Variants in GRIK2 observed in about 807,000 individuals in gnomAD.
The protein encoded by GRIK2 is glutamate ionotropic receptor kainate type subunit 2.
A neutral mutation model predicts 100.3 loss-of-function variants in GRIK2; 32 were observed. That is an observed-to-expected ratio of 0.32 (90% CI 0.24 to 0.43). The LOEUF (loss-of-function observed/expected upper bound fraction) is 0.43, where lower values mean the gene tolerates loss of function less well. GRIK2 is among the 20% of genes least tolerant of loss of function. GRIK2 has a pLI of 1.00. For synonymous variants in GRIK2, 417 were observed against 389.4 expected (o/e 1.07, Z -0.83); for missense variants, 843 against 1,114.9 (o/e 0.76, Z 3.47).
At chr6:101,939,473 G>T (rs11760003) in intron 14 of GRIK2, among the ~76,000 whole-genome samples, 11,650 of 151,910 alleles carry the variant, frequency 0.077, 620 homozygotes, top group Middle Eastern at 0.19. Flanking sequence ...GCAAATACAG[G>T]TTACCTATGG....
Position 101,489,372 on chromosome 6 carries a change from T to C in GRIK2, c.115+89980T>C, listed in dbSNP as rs1238060537. Among the ~76,000 whole-genome samples, 3 of 146,160 alleles carry C rather than the reference T, an allele frequency of 2.1e-5. 1 individual carries two copies. The East Asian group carries it at 5.9e-4, about 29-fold the overall frequency. On this transcript the variant is annotated intron_variant, in intron 2 of 16. Coordinates refer to ENST00000369134, the MANE Select transcript of GRIK2 (RefSeq NM_021956.5). ...GAAGTGTCTGTAGATCAGTTAATTA[T>C]TCTATTGTGGAAATCCATTCATTTA...
At chr6:101,496,863 T>A (rs1413411237) in intron 2 of GRIK2, among the ~76,000 whole-genome samples, 6 of 152,212 alleles carry the variant, frequency 3.9e-5, no homozygotes, top group Admixed American at 6.5e-5. Flanking sequence ...GCTGATCAAA[T>A]AAACCTTTGG....
intron 14 of GRIK2, among the ~76,000 whole-genome samples, chr6:102,012,549 AATAGACC>A (rs1263925904): frequency 6.6e-6 from 1 of 152,176 alleles, no homozygotes; most frequent in Non-Finnish European, 1.5e-5. Flanking sequence ...CTTTTTCTCA[AATAGACC>A]TTGTGCATAT....
At chr6:101,441,174 G>C (rs1208820471) in intron 2 of GRIK2, among the ~76,000 whole-genome samples, 1 of 151,860 alleles carries the variant, frequency 6.6e-6, no homozygotes, top group Non-Finnish European at 1.5e-5. Context: ...TTCTCTTCCA[G>C]CTCAGCTCTT....
intron 2 of GRIK2, among the ~76,000 whole-genome samples, chr6:101,438,845 G>T (rs1769885740): frequency 6.6e-6 from 1 of 152,112 alleles, no homozygotes; most frequent in Non-Finnish European, 1.5e-5. Flanking sequence ...GAACAGATTA[G>T]ATTGCCTAGA....
intron 10 of GRIK2, among the ~76,000 whole-genome samples, chr6:101,856,544 A>G (rs1207988345): frequency 6.6e-6 from 1 of 152,180 alleles, no homozygotes; most frequent in Non-Finnish European, 1.5e-5. Context: ...AAATTTAAGA[A>G]AAAAGGTTAG....
rs76300769 is a variant in GRIK2, at chr6:101,775,260, G to A, written c.952-24388G>A. The stretch of plus-strand genomic sequence containing the variant: ...TTAAGCCAGAGAGCACTGGTTTGGA[G>A]AGACATAGACATTTATTCAAATTCA... On this transcript the variant is annotated intron_variant, in intron 7 of 16. Transcript: ENST00000369134. 8.2e-3 allele frequency among the ~76,000 whole-genome samples: 1,250 copies of A among 152,176 alleles called. 16 individuals are homozygous for A. Among genetic ancestry groups the A allele is most frequent in the African/African-American group, 0.027 (1,133 of 41,548 alleles).
chr6:101,754,486 A>G (rs1050533676), intron 7 of GRIK2, among the ~76,000 whole-genome samples: 2 of 152,188 alleles, frequency 1.3e-5, no homozygotes, highest in Non-Finnish European at 2.9e-5. Flanking sequence ...TCAATTATCT[A>G]CTTAATATTT....
chr6:101,590,269 A>G (rs1207740518), intron 2 of GRIK2, among the ~76,000 whole-genome samples: 1 of 152,086 alleles, frequency 6.6e-6, no homozygotes, highest in East Asian at 1.9e-4. Flanking sequence ...GCTGGGCCCT[A>G]CAAACATTTC....
chr6:101,817,950 T>G (rs775767384), intron 9 of GRIK2, among the ~76,000 whole-genome samples: 1 of 152,238 alleles, frequency 6.6e-6, no homozygotes, highest in Non-Finnish European at 1.5e-5. Flanking sequence ...TAATTTATCT[T>G]GGATCCCTAG....
At chr6:101,842,331 A>G (rs774377970) in intron 10 of GRIK2, among the ~76,000 whole-genome samples, 1 of 151,814 alleles carries the variant, frequency 6.6e-6, no homozygotes, top group African/African-American at 2.4e-5. Context: ...CATTTACCTA[A>G]TTCATACTCA....
intron 2 of GRIK2, among the ~76,000 whole-genome samples, chr6:101,435,815 A>G (rs148707932): frequency 4.5e-3 from 691 of 152,056 alleles, no homozygotes; most frequent in Non-Finnish European, 7.5e-3. Context: ...TTCTTCCCTT[A>G]CTTCTCAAGT....
chr6:101,770,261 C>T lies in GRIK2; in HGVS notation c.952-29387C>T, dbSNP rs935162237. 8.5e-5 allele frequency among the ~76,000 whole-genome samples: 13 copies of T among 152,108 alleles called. 1 individual carries two copies. Among genetic ancestry groups the T allele is most frequent in the African/African-American group, 2.9e-4 (12 of 41,436 alleles). ...TAACATCCTCCTGTTGCTTATTTATCTGTGGAGTTGCTGTTCATTCTGGTT... is the reference window on the plus strand; with the variant it reads ...TAACATCCTCCTGTTGCTTATTTATTTGTGGAGTTGCTGTTCATTCTGGTT... On this transcript the variant is annotated intron_variant, in intron 7 of 16. Coordinates refer to ENST00000369134, the MANE Select transcript of GRIK2 (RefSeq NM_021956.5).
At chr6:101,492,117 T>C (rs1234298684) in intron 2 of GRIK2, among the ~76,000 whole-genome samples, 1 of 151,966 alleles carries the variant, frequency 6.6e-6, no homozygotes, top group Non-Finnish European at 1.5e-5. Flanking sequence ...TTATTGCTTT[T>C]GGCATTATCA....
chr6:102,007,174 T>C (rs1263764766), intron 14 of GRIK2, among the ~76,000 whole-genome samples: 1 of 152,100 alleles, frequency 6.6e-6, no homozygotes, highest in Non-Finnish European at 1.5e-5. Flanking sequence ...ACATGAAGTG[T>C]GGTTGTAGCC....
At chr6:101,714,513 T>G (rs1773929359) in intron 7 of GRIK2, among the ~76,000 whole-genome samples, 1 of 151,744 alleles carries the variant, frequency 6.6e-6, no homozygotes, top group African/African-American at 2.4e-5. Context: ...CTTTTAAAAT[T>G]CTGGTATCAA....
At chr6:101,862,330 A>G (rs949301638) in intron 11 of GRIK2, among the ~76,000 whole-genome samples, 1 of 152,070 alleles carries the variant, frequency 6.6e-6, no homozygotes, top group African/African-American at 2.4e-5. Context: ...AAATATTTTG[A>G]TTTCCTTCAC....
At chr6:102,011,707 T>C (rs897987396) in intron 14 of GRIK2, among the ~76,000 whole-genome samples, 19 of 148,644 alleles carry the variant, frequency 1.3e-4, no homozygotes, top group African/African-American at 4.7e-4. Context: ...CCTCAGCCTC[T>C]CCGAGTAGCT....
rs1399610258 is a variant in GRIK2 at position 102,068,627 on chromosome 6, G to T, written c.*116G>T. ...AAAATAAAATGAGTTACCTCATGCC[G>T]CTGTGTCTATGAACTAGAGACTCTG... On this transcript the variant is annotated 3_prime_UTR_variant, in exon 17 of 17. Transcript: ENST00000369134. 2.5e-6 allele frequency: 2 copies of T among 802,776 alleles called. No individual in the cohort carries two copies. The highest frequency in any genetic ancestry group is 2.7e-5 in the East Asian group (1 of 37,262). 49.7% of individuals were successfully genotyped at this position (802,776 alleles called of 1,614,324 possible). A position where few individuals can be genotyped will look rare whatever the true frequency, so the allele number is the denominator to read the frequency against.
Sources: gnomAD v4.1 joint callset for allele counts (sites outside exome capture counted in the v4.1 genomes callset) on GRCh38, gnomAD v4.1.1 for gene constraint, MANE v1.5 for transcripts, NCBI Gene and HGNC (gene_info 2026-07-23, HGNC 2026-07-21) for gene names.